Variants in PCNX2 observed in about 807,000 individuals in gnomAD.
PCNX2 encodes pecanex 2, also known as pecanex-like protein 2.
In PCNX2, 168 loss-of-function variants were observed where a neutral mutation model predicts 223.8. The ratio of observed to expected loss-of-function variants is 0.75; its 90% CI spans 0.66 to 0.85. The LOEUF is 0.85. Among genes scored for constraint, PCNX2 ranks in the 40% least tolerant of loss-of-function variants. The probability of loss-of-function intolerance (pLI) is 0.00; values close to 1 mark genes in which losing one functional copy is unlikely to be tolerated. For missense variants in PCNX2, 2,507 were observed against 2,675.5 expected (o/e 0.94, Z 1.39); for synonymous variants, 1,006 against 1,052.6 (o/e 0.96, Z 0.86).
intron 1 of PCNX2, among the ~76,000 whole-genome samples, chr1:233,273,945 T>A (rs755344454): frequency 3.9e-5 from 6 of 152,172 alleles, no homozygotes; most frequent in Non-Finnish European, 8.8e-5. Context: ...TTGAGCCTAA[T>A]AATTTCCCAT....
chr1:233,302,081 C>CA, the PCNX2 span, among the ~76,000 whole-genome samples: 7 of 152,048 alleles, frequency 4.6e-5, no homozygotes, highest in South Asian at 1.4e-3. Flanking sequence ...TAGTGAACCA[C>CA]TGCGCCCAGC....
intron 15 of PCNX2, among the ~76,000 whole-genome samples, chr1:233,193,526 T>A (rs1249967210): frequency 6.6e-6 from 1 of 152,184 alleles, no homozygotes; most frequent in African/African-American, 2.4e-5. Flanking sequence ...ATTTTAGCCC[T>A]ATTGTTTTTA....
rs140731909 is a variant in PCNX2 at position 233,291,858 on chromosome 1, G to A, written c.153+3468C>T. Reference sequence around the variant, plus strand: ...CCAAAAGAAAAGGAGGTTGGGAACTGTGTATTTGACATGAGGCTAGTGCTC... The same window carrying A: ...CCAAAAGAAAAGGAGGTTGGGAACTATGTATTTGACATGAGGCTAGTGCTC... On this transcript the variant is annotated intron_variant, in intron 1 of 33. Coordinates refer to ENST00000258229, the MANE Select transcript of PCNX2 (RefSeq NM_014801.4). 19 of 984,596 alleles carry A rather than the reference G, an allele frequency of 1.9e-5. No individual in the cohort carries two copies. In the East Asian group the frequency reaches 2.1e-3, roughly 106 times the overall value. The allele number at this position is 984,596 out of a possible 1,614,324, so 61.0% of individuals were successfully genotyped here. A position where few individuals can be genotyped will look rare whatever the true frequency, so the allele number is the denominator to read the frequency against.
At chr1:233,015,370 T>C (rs1043214817) in intron 27 of PCNX2, among the ~76,000 whole-genome samples, 2 of 152,114 alleles carry the variant, frequency 1.3e-5, no homozygotes, top group Non-Finnish European at 2.9e-5. Flanking sequence ...CTGGGCAACA[T>C]AGCAAAACCC....
chr1:233,043,302 T>C (rs1341881065), intron 25 of PCNX2, among the ~76,000 whole-genome samples: 1 of 152,208 alleles, frequency 6.6e-6, no homozygotes, highest in African/African-American at 2.4e-5. Context: ...GATGGTTAAA[T>C]GGGATTTACG....
intron 17 of PCNX2, chr1:233,172,607 C>T (rs539654393): frequency 1.4e-5 from 13 of 932,982 alleles, no homozygotes; most frequent in Non-Finnish European, 1.7e-5. Context: ...ACCTGGGCTT[C>T]AATTCCTGTT....
intron 19 of PCNX2, among the ~76,000 whole-genome samples, chr1:233,150,736 A>G (rs898293601): frequency 2.7e-5 from 3 of 111,938 alleles, no homozygotes; most frequent in African/African-American, 1.2e-4. Context: ...TTTCCCCAAA[A>G]CCATCCCATT....
At chr1:233,273,603 T>A (rs556936300) in intron 1 of PCNX2, among the ~76,000 whole-genome samples, 1 of 151,980 alleles carries the variant, frequency 6.6e-6, no homozygotes, top group South Asian at 2.1e-4. Flanking sequence ...ATTCAGTGGT[T>A]TTCAATAAAA....
In PCNX2 at chr1:233,259,460, T is replaced by C. The variant is rs912254328; in HGVS notation, c.518-116A>G. 1.7e-5 allele frequency: 23 copies of C among 1,373,022 alleles called. No individual in the cohort carries two copies. In the African/African-American group the frequency reaches 3.4e-4, roughly 20 times the overall value. The allele number at this position is 1,373,022 out of a possible 1,614,324, so 85.1% of individuals were successfully genotyped here. On this transcript the variant is annotated intron_variant, in intron 4 of 33. Transcript: ENST00000258229. ...AGCACCAGCAACTAATGGAATTAGA[T>C]ACTTTTTTAATTTTACTTTAAGTTC... is the stretch of plus-strand genomic sequence containing the variant.
chr1:233,165,845 T>C (rs1416409803), intron 17 of PCNX2, among the ~76,000 whole-genome samples: 2 of 152,208 alleles, frequency 1.3e-5, no homozygotes, highest in African/African-American at 4.8e-5. Context: ...GCAGAATTTT[T>C]TTTAGAAACG....
chr1:233,135,966 G>A (rs540671906), intron 20 of PCNX2, among the ~76,000 whole-genome samples: 1 of 152,310 alleles, frequency 6.6e-6, no homozygotes, highest in Admixed American at 6.5e-5. Flanking sequence ...TACCTAAGGA[G>A]TCAGATTATT....
Position 233,258,245 on chromosome 1 carries a change from G to A in PCNX2, c.1617C>T (p.Val539=), listed in dbSNP as rs1272152071. 6.2e-7 allele frequency: 1 copy of A among 1,613,862 alleles called. No individual in the cohort carries two copies. Among genetic ancestry groups the A allele is most frequent in the African/African-American group, 1.3e-5 (1 of 74,924 alleles). ...TTTCTGCAGAACTTTTACTCAAGAA[G>A]ACATCTGTCCCACTGTCCACACTGA... ...RVLSVDSGTD[V]FLSKSSAEIV... Residue 539 remains valine, a synonymous_variant, in exon 5 of 34, where the codon GTC becomes GTT. Transcript: ENST00000258229.
At chr1:233,270,655 A>G (rs1436146994) in intron 1 of PCNX2, among the ~76,000 whole-genome samples, 1 of 152,210 alleles carries the variant, frequency 6.6e-6, no homozygotes, top group Non-Finnish European at 1.5e-5. Context: ...AGTAGAATAG[A>G]ACACTTTGTC....
chr1:233,082,122 A>C (rs550406535), intron 23 of PCNX2, among the ~76,000 whole-genome samples: 11 of 152,138 alleles, frequency 7.2e-5, no homozygotes, highest in African/African-American at 2.4e-4. Flanking sequence ...TTGTTCTGTG[A>C]CCTTGGGCAA....
chr1:232,989,448 C>T lies in PCNX2; in HGVS notation c.5792-2908G>A, dbSNP rs558727432. On this transcript the variant is annotated intron_variant, in intron 32 of 33. Coordinates refer to ENST00000258229, the MANE Select transcript of PCNX2 (RefSeq NM_014801.4). ...CGGCCTGGGTGAAAGAGTGAGACTCCGTCTCAAAAAAAAAAAAACTGCTCA... is the reference window on the plus strand; with the variant it reads ...CGGCCTGGGTGAAAGAGTGAGACTCTGTCTCAAAAAAAAAAAAACTGCTCA... Among the ~76,000 whole-genome samples, 77 of 151,014 alleles carry T rather than the reference C, an allele frequency of 5.1e-4. 1 individual carries two copies. In the South Asian group the frequency reaches 0.016, roughly 31 times the overall value.
chr1:233,112,809 T>G, intron 21 of PCNX2: 1 of 1,246,998 alleles, frequency 8.0e-7, no homozygotes, highest in Non-Finnish European at 1.0e-6. Flanking sequence ...ATGCTAGGCT[T>G]GATGTCCCAA....
chr1:233,241,891 A>G (rs1379497319), intron 8 of PCNX2, among the ~76,000 whole-genome samples: 1 of 152,138 alleles, frequency 6.6e-6, no homozygotes. Context: ...ATTTCTTCTG[A>G]CTAAAGTTAA....
chr1:233,096,538 T>C (rs1242037133), intron 21 of PCNX2, among the ~76,000 whole-genome samples: 1 of 152,066 alleles, frequency 6.6e-6, no homozygotes, highest in Non-Finnish European at 1.5e-5. Flanking sequence ...TGGTAAGAAG[T>C]GACTAATGAA....
intron 13 of PCNX2, among the ~76,000 whole-genome samples, chr1:233,208,228 G>A (rs1287870281): frequency 6.6e-6 from 1 of 152,308 alleles, no homozygotes; most frequent in East Asian, 1.9e-4. Context: ...CGAAGTGCTA[G>A]GATTACAGGT....
Sources: gnomAD v4.1 joint callset for allele counts (sites outside exome capture counted in the v4.1 genomes callset) on GRCh38, gnomAD v4.1.1 for gene constraint, MANE v1.5 for transcripts, NCBI Gene and HGNC (gene_info 2026-07-23, HGNC 2026-07-21) for gene names.